Variants in RBMS3 observed in about 807,000 individuals in gnomAD.
RBMS3 encodes the protein RNA binding motif single stranded interacting protein 3, also known as RNA-binding motif, single-stranded-interacting protein 3.
A neutral mutation model predicts 66.8 loss-of-function variants in RBMS3; 27 were observed. That is an observed-to-expected ratio of 0.40 (90% CI 0.30 to 0.56). The LOEUF (loss-of-function observed/expected upper bound fraction) is 0.56, where lower values mean the gene tolerates loss of function less well. RBMS3 is among the 20% of genes least tolerant of loss of function. The probability of loss-of-function intolerance (pLI) is 0.40; values close to 1 mark genes in which losing one functional copy is unlikely to be tolerated. For synonymous variants in RBMS3, 188 were observed against 183.0 expected, an observed-to-expected ratio of 1.03 and a Z score of -0.22; for missense variants, 513 against 549.5, an observed-to-expected ratio of 0.93 and a Z score of 0.66.
intron 4 of RBMS3, among the ~76,000 whole-genome samples, chr3:29,726,160 C>T (rs1365188669): frequency 1.3e-5 from 2 of 152,102 alleles, no homozygotes; most frequent in East Asian, 3.9e-4. Flanking sequence ...ATTCAACACC[C>T]CTTCATGCTA....
intron 1 of RBMS3, among the ~76,000 whole-genome samples, chr3:29,350,593 T>G (rs1451013481): frequency 3.3e-5 from 5 of 152,160 alleles, no homozygotes; most frequent in Non-Finnish European, 7.4e-5. Context: ...TGGAGAGAAC[T>G]AAGCTCCCTC....
chr3:29,535,473 C>T (rs887888220), intron 3 of RBMS3, among the ~76,000 whole-genome samples: 4 of 151,996 alleles, frequency 2.6e-5, no homozygotes, highest in Admixed American at 2.6e-4. Context: ...CCAGTAAATT[C>T]ATTCTGCCTT....
intron 9 of RBMS3, 63 bp from the exon 10 acceptor site, chr3:29,899,642 G>T: frequency 6.7e-7 from 1 of 1,496,770 alleles, no homozygotes; most frequent in South Asian, 1.2e-5. Context: ...TGACTCCACT[G>T]AACACAAGAA....
At chr3:29,297,057 C>A (rs1307998676) in intron 1 of RBMS3, among the ~76,000 whole-genome samples, 1 of 151,492 alleles carries the variant, frequency 6.6e-6, no homozygotes, top group Non-Finnish European at 1.5e-5. Flanking sequence ...GAAACGAAAA[C>A]AGTGTGGTTA....
At chr3:29,982,762 A>T (rs1698081508) in intron 12 of RBMS3, among the ~76,000 whole-genome samples, 1 of 152,182 alleles carries the variant, frequency 6.6e-6, no homozygotes, top group South Asian at 2.1e-4. Flanking sequence ...ATTTGATTGC[A>T]CTGTGGTCTG....
chr3:29,691,947 C>CTCTCTCTCTTTTTTTTTTTTTTTT (rs1218393454), intron 4 of RBMS3, among the ~76,000 whole-genome samples: 24 of 53,490 alleles, frequency 4.5e-4, no homozygotes, highest in South Asian at 1.2e-3. Context: ...CTCTCTCTCT[C>CTCTCTCTCTTTTTTTTTTTTTTTT]TATTTTTTTT....
chr3:29,596,684 G>C (rs914644411), intron 4 of RBMS3, among the ~76,000 whole-genome samples: 1 of 152,178 alleles, frequency 6.6e-6, no homozygotes, highest in African/African-American at 2.4e-5. Flanking sequence ...TGTTAATGCT[G>C]TTTTCTAGTC....
At chr3:29,492,359 T>G (rs2043581696) in intron 3 of RBMS3, among the ~76,000 whole-genome samples, 1 of 152,046 alleles carries the variant, frequency 6.6e-6, no homozygotes, top group African/African-American at 2.4e-5. Context: ...TATAGAAAAT[T>G]GTGTATAATT....
chr3:30,000,520 C>G (rs1005546529), intron 14 of RBMS3, among the ~76,000 whole-genome samples: 2 of 152,036 alleles, frequency 1.3e-5, no homozygotes, highest in African/African-American at 2.4e-5. Context: ...ACCATTTGAC[C>G]CAGCAATCCC....
Position 30,006,359 on chromosome 3 carries a change from T to C in RBMS3, c.*2497T>C, listed in dbSNP as rs1193712082. 2.0e-5 allele frequency: 3 copies of C among 151,862 alleles called. No homozygotes were observed. Among genetic ancestry groups the C allele is most frequent in the Non-Finnish European group, 2.9e-5 (2 of 67,826 alleles). 9.4% of individuals were successfully genotyped at this position (151,862 alleles called of 1,614,324 possible). A position where few individuals can be genotyped will look rare whatever the true frequency, so the allele number is the denominator to read the frequency against. On this transcript the variant is annotated 3_prime_UTR_variant, in exon 15 of 15. Coordinates refer to ENST00000383767, the MANE Select transcript of RBMS3 (RefSeq NM_001003793.3). ...CAACCCCATGCACTGGAAGCCCAAA[T>C]CAGAGAATGACTCCATATATTTATG... is the stretch of plus-strand genomic sequence containing the variant.
intron 3 of RBMS3, among the ~76,000 whole-genome samples, chr3:29,494,431 TATGAC>T (rs1196784947): frequency 2.0e-5 from 3 of 152,156 alleles, no homozygotes; most frequent in East Asian, 3.9e-4. Context: ...TTCCGTATAA[TATGAC>T]AACATACAAC....
chr3:29,366,129 C>G (rs908576540), intron 1 of RBMS3, among the ~76,000 whole-genome samples: 1 of 152,088 alleles, frequency 6.6e-6, no homozygotes, highest in Non-Finnish European at 1.5e-5. Context: ...ATAAAGAAAT[C>G]CTTCTTTGTA....
chr3:29,494,115 G>T (rs192308257), intron 3 of RBMS3, among the ~76,000 whole-genome samples: 7 of 152,310 alleles, frequency 4.6e-5, no homozygotes, highest in Non-Finnish European at 1.5e-5. Context: ...ACAGCATATT[G>T]TGTGTAAGTT....
chr3:29,689,661 T>G (rs565161699), intron 4 of RBMS3, among the ~76,000 whole-genome samples: 2 of 152,168 alleles, frequency 1.3e-5, no homozygotes, highest in East Asian at 3.9e-4. Flanking sequence ...AGGCTTGCTT[T>G]GTAAGGAAGC....
At chr3:29,595,434 G>GAAA (rs1318342659) in intron 4 of RBMS3, among the ~76,000 whole-genome samples, 1 of 145,448 alleles carries the variant, frequency 6.9e-6, no homozygotes, top group Non-Finnish European at 1.5e-5. Context: ...AGAAAGAAAA[G>GAAA]AAACATCAAC....
At chr3:29,326,255 A>C (rs2035330943) in intron 1 of RBMS3, among the ~76,000 whole-genome samples, 1 of 152,164 alleles carries the variant, frequency 6.6e-6, no homozygotes, top group Non-Finnish European at 1.5e-5. Context: ...CATGCAATTC[A>C]TCCTCATTCT....
chr3:29,575,220 G>A (rs2047077982), intron 3 of RBMS3, among the ~76,000 whole-genome samples: 1 of 151,818 alleles, frequency 6.6e-6, no homozygotes, highest in South Asian at 2.1e-4. Context: ...CATCTAGAAA[G>A]GTCTTTATTT....
rs528247748 is a variant in RBMS3, at chr3:29,484,692, G to C, written c.249-3749G>C. ...GTTGTAAACTTGTAGGTGAAACGTG[G>C]CTGATGTATTCCATCAGAGAGATAG... On this transcript the variant is annotated intron_variant, in intron 2 of 14. Coordinates refer to ENST00000383767, the MANE Select transcript of RBMS3 (RefSeq NM_001003793.3). 2.0e-5 allele frequency among the ~76,000 whole-genome samples: 3 copies of C among 152,254 alleles called. No individual in the cohort carries two copies. In the East Asian group the frequency reaches 5.8e-4, roughly 29 times the overall value.
At chr3:29,348,667 ATAAGT>A (rs1367780033) in intron 1 of RBMS3, among the ~76,000 whole-genome samples, 1 of 152,126 alleles carries the variant, frequency 6.6e-6, no homozygotes, top group Non-Finnish European at 1.5e-5. Context: ...CTTTTCACTA[ATAAGT>A]TGAGTAGCAA....
Sources: allele counts gnomAD v4.1 joint callset (sites outside exome capture counted in the v4.1 genomes callset), GRCh38; gene constraint gnomAD v4.1.1; transcripts MANE v1.5; gene names NCBI Gene and HGNC (gene_info 2026-07-23, HGNC 2026-07-21).